The following DNA2 variants were observed in gnomAD, a reference collection of about 807,000 sequenced individuals.
DNA2 encodes the protein DNA replication ATP-dependent helicase/nuclease DNA2.
In DNA2, 101 loss-of-function variants were observed where a neutral mutation model predicts 119.1. The observed-to-expected ratio is 0.85, with a 90% confidence interval of 0.72 to 1.00. The LOEUF (loss-of-function observed/expected upper bound fraction) is 1.00. Ranked by LOEUF, DNA2 falls within the 50% of genes least tolerant of loss-of-function variation. The probability of loss-of-function intolerance (pLI) is 0.00; values close to 1 mark genes in which losing one functional copy is unlikely to be tolerated. For synonymous variants in DNA2, 366 were observed against 424.4 expected (o/e 0.86, Z 1.69); for missense variants, 1,121 against 1,255.5 (o/e 0.89, Z 1.62).
chr10:68,430,739 AC>A, intron 13 of DNA2, 79 bp from the exon 14 acceptor site: 2 of 1,121,838 alleles, frequency 1.8e-6, no homozygotes, highest in Non-Finnish European at 2.5e-6. Context: ...TATAAACTTA[AC>A]AAGAACCATA....
rs370075090 is a variant in DNA2 at position 68,465,716 on chromosome 10, G to A, written c.538C>T (p.Gln180Ter). 5 of 1,607,788 alleles carry A rather than the reference G, an allele frequency of 3.1e-6. No homozygotes were observed. The highest frequency in any genetic ancestry group is 4.2e-6 in the Non-Finnish European group (5 of 1,177,564). ...TGAATTGTTTGAAAAGCAAGTTCTTGTAGCTTTTCTGGGGCAAAGCTATTA... is the reference window on the plus strand; with the variant it reads ...TGAATTGTTTGAAAAGCAAGTTCTTATAGCTTTTCTGGGGCAAAGCTATTA... ...INNSFAPEKLQELAFQTIQEI... is the reference protein window; with the variant it reads ...INNSFAPEKL Residue 180 changes from glutamine (Q) to a stop codon, truncating the protein, a stop_gained, in exon 4 of 21, where the codon CAA (glutamine) becomes TAA (stop). Transcript: ENST00000358410. LOFTEE classifies it high-confidence loss of function.
At chr10:68,430,382 C>A in intron 14 of DNA2, 54 bp downstream of exon 14, 1 of 1,297,430 alleles carries the variant, frequency 7.7e-7, no homozygotes, top group Non-Finnish European at 1.1e-6. Flanking sequence ...TTTCTCCCCT[C>A]ATTCTGGCTG....
chr10:68,447,516 C>CAAAAA lies in DNA2; in HGVS notation c.940-1108_940-1104dup, dbSNP rs1165549043. On this transcript the variant is annotated intron_variant, in intron 6 of 20. Coordinates refer to ENST00000358410, the MANE Select transcript of DNA2 (RefSeq NM_001080449.3). Reference sequence around the variant, plus strand: ...TGGGGGACAGAAGGAGACTTCACCTCAAAAAAAAAAAAAAAAAAAAAAATT... The same window carrying CAAAAA: ...TGGGGGACAGAAGGAGACTTCACCTCAAAAAAAAAAAAAAAAAAAAAAAAAAAATT... 1.4e-3 allele frequency among the ~76,000 whole-genome samples: 74 copies of CAAAAA among 54,724 alleles called. 1 individual carries two copies. The highest frequency in any genetic ancestry group is 5.0e-3 in the African/African-American group (73 of 14,572). 35.9% of individuals were successfully genotyped at this position (54,724 alleles called of 152,430 possible). A position where few individuals can be genotyped will look rare whatever the true frequency, so the allele number is the denominator to read the frequency against.
intron 19 of DNA2, among the ~76,000 whole-genome samples, chr10:68,418,411 C>CAA (rs754294447): frequency 1.8e-5 from 1 of 54,342 alleles, no homozygotes. Context: ...AACGCCGTCT[C>CAA]AAAAAAAAAA....
At chr10:68,435,283 A>G (rs2051873107) in intron 10 of DNA2, among the ~76,000 whole-genome samples, 1 of 151,752 alleles carries the variant, frequency 6.6e-6, no homozygotes, top group South Asian at 2.1e-4. Flanking sequence ...TCCTGGTCTC[A>G]AGCGATATAC....
At chr10:68,442,809 C>T (rs1193690441) in intron 9 of DNA2, 108 bp downstream of exon 9, 9 of 916,538 alleles carry the variant, frequency 9.8e-6, no homozygotes, top group African/African-American at 5.1e-5. Flanking sequence ...AATGAAATCA[C>T]GTTATCTATA....
In DNA2 at chr10:68,469,970, A is replaced by T. The variant is rs777004820; in HGVS notation, c.257+11T>A. On this transcript the variant is annotated intron_variant, in intron 2 of 20. Coordinates refer to ENST00000358410, the MANE Select transcript of DNA2 (RefSeq NM_001080449.3). ...GATTCAAATCGGTGCTCAAAGTCAC[A>T]TAAAAATTACCAGTCATTCCTAAGG... The T allele has an allele frequency of 1.8e-5, 28 of 1,591,764 alleles. No homozygotes were observed. The South Asian group carries it at 1.8e-4, about 10-fold the overall frequency.
intron 14 of DNA2, 59 bp downstream of exon 14, chr10:68,430,377 C>T: frequency 8.1e-7 from 1 of 1,228,170 alleles, no homozygotes; most frequent in Non-Finnish European, 1.1e-6. Flanking sequence ...TACAGTTTCT[C>T]CCCTCATTCT....
chr10:68,456,946 A>G lies in DNA2; in HGVS notation c.719+2158T>C, dbSNP rs192334440. Among the ~76,000 whole-genome samples, 961 of 151,878 alleles carry G rather than the reference A, an allele frequency of 6.3e-3. 3 individuals carry two copies. The highest frequency in any genetic ancestry group is 0.011 in the Non-Finnish European group (732 of 67,912). ...TCAGGAGATCGAGACCATCCTGGCT[A>G]ACACGGTGAAACCCCGGCTCTACTA... On this transcript the variant is annotated intron_variant, in intron 5 of 20. Coordinates refer to ENST00000358410, the MANE Select transcript of DNA2 (RefSeq NM_001080449.3).
intron 14 of DNA2, among the ~76,000 whole-genome samples, chr10:68,425,980 C>T (rs2051735435): frequency 6.6e-6 from 1 of 151,050 alleles, no homozygotes; most frequent in Non-Finnish European, 1.5e-5. Flanking sequence ...AATAAAAATA[C>T]AAAAAATTAA....
chr10:68,468,918 CGG>C (rs2052355361), intron 2 of DNA2, among the ~76,000 whole-genome samples: 1 of 151,994 alleles, frequency 6.6e-6, no homozygotes, highest in African/African-American at 2.4e-5. Context: ...GGCGTGGTGG[CGG>C]ACGCCTGTAA....
chr10:68,418,993 A>G, intron 19 of DNA2, 41 bp downstream of exon 19: 1 of 1,533,114 alleles, frequency 6.5e-7, no homozygotes, highest in Non-Finnish European at 8.8e-7. Context: ...AAAGAGAGAG[A>G]AATGCCCCAA....
In DNA2 at chr10:68,437,033, T is replaced by C; in HGVS notation, c.1624A>G (p.Thr542Ala). The C allele has an allele frequency of 6.2e-7, 1 of 1,611,116 alleles. No individual in the cohort carries two copies. Among genetic ancestry groups the C allele is most frequent in the Middle Eastern group, 1.7e-4 (1 of 6,054 alleles). Residue 542 changes from threonine to alanine, a missense_variant, in exon 10 of 21, where the codon ACA becomes GCA. Transcript: ENST00000358410. ...TACCTGTCTAATAAACAAGTTACTGTTGTCATGTTAATCTCCTTCACATAT... is the reference window on the plus strand; with the variant it reads ...TACCTGTCTAATAAACAAGTTACTGCTGTCATGTTAATCTCCTTCACATAT... ...RGYVKEINMT[T>A]VTCLLDRNLS...
At chr10:68,436,811 A>G in intron 10 of DNA2, 200 bp downstream of exon 10, 2 of 425,066 alleles carry the variant, frequency 4.7e-6, no homozygotes, top group East Asian at 7.7e-5. Context: ...ATGAAAAGTG[A>G]CTACTAAAGG....
At chr10:68,429,774 AAAT>A (rs2051794600) in intron 14 of DNA2, among the ~76,000 whole-genome samples, 1 of 150,790 alleles carries the variant, frequency 6.6e-6, no homozygotes, top group South Asian at 2.1e-4. Flanking sequence ...AATAAACATT[AAAT>A]AACAAAATAA....
chr10:68,422,843 G>C lies in DNA2; in HGVS notation c.2256C>G (p.Ser752=), dbSNP rs1194890676. 1 of 1,608,200 alleles carries C rather than the reference G, an allele frequency of 6.2e-7. No homozygotes were observed. Among genetic ancestry groups the C allele is most frequent in the Non-Finnish European group, 8.5e-7 (1 of 1,178,594 alleles). ...CAATACAAAAATCAAAAATTTTACGGGAAAATATTGGATGGTTTATTCCCA... is the reference window on the plus strand; with the variant it reads ...CAATACAAAAATCAAAAATTTTACGCGAAAATATTGGATGGTTTATTCCCA... ...TCMGINHPIF[S]RKIFDFCIVD... is the part of the protein sequence containing the mutation. The change falls in exon 15 of 21, where the codon TCC becomes TCG. Residue 752 remains serine (S), a synonymous_variant. Coordinates refer to ENST00000358410, the MANE Select transcript of DNA2 (RefSeq NM_001080449.3).
rs151180015 is a variant in DNA2 at position 68,427,650 on chromosome 10, AAC to A, written c.2208+2784_2208+2785del. 4.9e-3 allele frequency among the ~76,000 whole-genome samples: 690 copies of A among 139,556 alleles called. 2 individuals are homozygous for A. The highest frequency in any genetic ancestry group is 0.011 in the African/African-American group (426 of 38,856). 91.6% of individuals were successfully genotyped at this position (139,556 alleles called of 152,430 possible). ...GGCAACAGAGCAAGACCTTGTCTCA[AAC>A]ACACACACACACACACACACACACA... On this transcript the variant is annotated intron_variant, in intron 14 of 20. Coordinates refer to ENST00000358410, the MANE Select transcript of DNA2 (RefSeq NM_001080449.3).
chr10:68,415,217 AAGGATCTTT>A (rs2051572716), intron 20 of DNA2, 110 bp from the exon 21 acceptor site: 3 of 636,406 alleles, frequency 4.7e-6, no homozygotes, highest in Non-Finnish European at 8.2e-6. Context: ...AAAAAAAAAT[AAGGATCTTT>A]ATGGCATTCA....
At chr10:68,444,158 G>A (rs972430588) in intron 8 of DNA2, among the ~76,000 whole-genome samples, 6 of 151,934 alleles carry the variant, frequency 3.9e-5, no homozygotes, top group East Asian at 1.9e-4. Context: ...TTGGGAGGCC[G>A]AGGTGGGCGG....
Sources: allele counts gnomAD v4.1 joint callset (sites outside exome capture counted in the v4.1 genomes callset), GRCh38; gene constraint gnomAD v4.1.1; transcripts MANE v1.5; gene names NCBI Gene and HGNC (gene_info 2026-07-23, HGNC 2026-07-21).